Variants in FSTL5 observed in about 807,000 individuals in gnomAD.
The protein encoded by FSTL5 is follistatin-related protein 5.
A neutral mutation model predicts 89.1 loss-of-function variants in FSTL5; 62 were observed. The ratio of observed to expected loss-of-function variants is 0.70; its 90% CI spans 0.57 to 0.86. The LOEUF (loss-of-function observed/expected upper bound fraction) is 0.86, where lower values mean the gene tolerates loss of function less well. Ranked by LOEUF, FSTL5 falls within the 40% of genes least tolerant of loss-of-function variation. FSTL5 has a pLI of 0.00. For synonymous variants in FSTL5, 383 were observed against 346.2 expected (o/e 1.11, Z -1.18); for missense variants, 1,057 against 1,001.6 (o/e 1.06, Z -0.75).
At chr4:161,551,753 T>C (rs1336744823) in intron 8 of FSTL5, among the ~76,000 whole-genome samples, 4 of 152,090 alleles carry the variant, frequency 2.6e-5, no homozygotes, top group South Asian at 2.1e-4. Context: ...CCCTATTTAA[T>C]AAATGGTGCT....
chr4:161,747,658 G>A (rs932067688), intron 6 of FSTL5, among the ~76,000 whole-genome samples: 1 of 152,178 alleles, frequency 6.6e-6, no homozygotes, highest in Non-Finnish European at 1.5e-5. Flanking sequence ...TTACTTGAAT[G>A]ATTAGTAACA....
chr4:161,913,534 G>A (rs1340870957), intron 4 of FSTL5, among the ~76,000 whole-genome samples: 1 of 152,162 alleles, frequency 6.6e-6, no homozygotes, highest in Non-Finnish European at 1.5e-5. Flanking sequence ...CCTCCACCTA[G>A]ATTTCAGAAG....
At chr4:162,150,866 A>C (rs2040634972) in intron 1 of FSTL5, among the ~76,000 whole-genome samples, 1 of 152,206 alleles carries the variant, frequency 6.6e-6, no homozygotes, top group Non-Finnish European at 1.5e-5. Flanking sequence ...AAAAGTTTGT[A>C]GATCACTAGA....
At chr4:161,551,728 A>T (rs942121882) in intron 8 of FSTL5, among the ~76,000 whole-genome samples, 1 of 152,020 alleles carries the variant, frequency 6.6e-6, no homozygotes, top group African/African-American at 2.4e-5. Context: ...AAAAACAAGA[A>T]ATGGGGAAAC....
chr4:161,394,076 C>T (rs1007259336), intron 15 of FSTL5, among the ~76,000 whole-genome samples: 3 of 151,980 alleles, frequency 2.0e-5, no homozygotes, highest in African/African-American at 4.8e-5. Context: ...GGAGTGAGGA[C>T]GTGACATGTA....
At chr4:161,776,689 T>A (rs9683535) in intron 4 of FSTL5, among the ~76,000 whole-genome samples, 31,691 of 151,340 alleles carry the variant, frequency 0.21, 6,122 homozygotes, top group African/African-American at 0.51. Context: ...TTTAAAAAAA[T>A]TTTTAGTTGT....
intron 8 of FSTL5, among the ~76,000 whole-genome samples, chr4:161,550,700 A>G (rs942594480): frequency 1.3e-5 from 2 of 151,888 alleles, no homozygotes; most frequent in African/African-American, 4.8e-5. Flanking sequence ...GTCATCTAGC[A>G]TTAGGTATAT....
intron 2 of FSTL5, among the ~76,000 whole-genome samples, chr4:162,093,012 G>A (rs1031133176): frequency 2.0e-5 from 3 of 150,702 alleles, no homozygotes; most frequent in African/African-American, 7.3e-5. Context: ...GTAGTATAGG[G>A]GCTTATACCT....
At chr4:161,515,558 T>G (rs1469493298) in intron 10 of FSTL5, among the ~76,000 whole-genome samples, 2 of 150,842 alleles carry the variant, frequency 1.3e-5, no homozygotes, top group Admixed American at 6.6e-5. Context: ...ATATGGAAAT[T>G]TATCTGATAA....
intron 4 of FSTL5, among the ~76,000 whole-genome samples, chr4:161,846,046 C>G (rs1731357764): frequency 1.7e-5 from 1 of 59,504 alleles, no homozygotes. Flanking sequence ...AAGACTCCGT[C>G]TCAAAAAAAA....
intron 3 of FSTL5, among the ~76,000 whole-genome samples, chr4:162,028,107 C>T (rs563612916): frequency 1.4e-4 from 22 of 152,146 alleles, no homozygotes; most frequent in Middle Eastern, 3.4e-3. Flanking sequence ...AAATAAATCA[C>T]GAATCTCTTG....
At chr4:161,442,036 T>C (rs1164087272) in intron 15 of FSTL5, among the ~76,000 whole-genome samples, 1 of 152,218 alleles carries the variant, frequency 6.6e-6, no homozygotes, top group East Asian at 1.9e-4. Flanking sequence ...TACCAACTAA[T>C]TTATAGTTAT....
intron 5 of FSTL5, among the ~76,000 whole-genome samples, chr4:161,767,114 A>G (rs915108485): frequency 2.0e-5 from 3 of 152,194 alleles, no homozygotes; most frequent in African/African-American, 7.2e-5. Context: ...GAAGAGCTCT[A>G]TGCTCCTTTT....
intron 15 of FSTL5, among the ~76,000 whole-genome samples, chr4:161,430,300 G>A (rs1018314203): frequency 6.6e-6 from 1 of 152,074 alleles, no homozygotes; most frequent in Non-Finnish European, 1.5e-5. Flanking sequence ...AGTAGGTAGA[G>A]AGAGAGAGAT....
At chr4:161,895,628 A>ATGGCAAGCAGTGGAAAATAAAAAT (rs1733132762) in intron 4 of FSTL5, among the ~76,000 whole-genome samples, 1 of 152,216 alleles carries the variant, frequency 6.6e-6, no homozygotes, top group Non-Finnish European at 1.5e-5. Flanking sequence ...CAGAAATAGC[A>ATGGCAAGCAGTGGAAAATAAAAAT]TGGCAAGCAG....
chr4:161,768,202 C>T (rs1047598438), intron 5 of FSTL5, among the ~76,000 whole-genome samples: 1 of 152,076 alleles, frequency 6.6e-6, no homozygotes, highest in Non-Finnish European at 1.5e-5. Flanking sequence ...TCTAGAACTT[C>T]AAATATCTGT....
At chr4:162,047,853 C>G (rs1004760498) in intron 2 of FSTL5, among the ~76,000 whole-genome samples, 1 of 151,780 alleles carries the variant, frequency 6.6e-6, no homozygotes, top group Non-Finnish European at 1.5e-5. Flanking sequence ...AAGCAAACAA[C>G]AACAACAAAA....
chr4:161,476,184 T>TTTTG (rs1553990011), intron 13 of FSTL5, among the ~76,000 whole-genome samples: 1 of 106,086 alleles, frequency 9.4e-6, no homozygotes, highest in African/African-American at 3.5e-5. Context: ...TTTTTTTTTT[T>TTTTG]TTTTGTTTGT....
chr4:162,089,528 G>A (rs543905981), intron 2 of FSTL5, among the ~76,000 whole-genome samples: 4 of 151,438 alleles, frequency 2.6e-5, no homozygotes, highest in Admixed American at 1.3e-4. Flanking sequence ...AGCTACTCGG[G>A]AGGGTAAGGC....
Sources: gnomAD v4.1 joint callset for allele counts (sites outside exome capture counted in the v4.1 genomes callset) on GRCh38, gnomAD v4.1.1 for gene constraint, MANE v1.5 for transcripts, NCBI Gene and HGNC (gene_info 2026-07-23, HGNC 2026-07-21) for gene names.